The following PTPRT variants were observed in gnomAD, a reference collection of about 807,000 sequenced individuals.
PTPRT encodes the protein protein tyrosine phosphatase receptor type T, also known as receptor-type tyrosine-protein phosphatase T.
Under a neutral mutation model 176.8 loss-of-function variants are expected in PTPRT, and 56 were observed. That is an observed-to-expected ratio of 0.32 (90% CI 0.26 to 0.40). The LOEUF is 0.40. Among genes scored for constraint, PTPRT ranks in the 10% least tolerant of loss-of-function variants. The pLI, the probability that PTPRT is intolerant of heterozygous loss-of-function variation, is 1.00. For synonymous variants in PTPRT, 783 were observed against 739.0 expected, an observed-to-expected ratio of 1.06 and a Z score of -0.96; for missense variants, 1,540 against 1,908.2, an observed-to-expected ratio of 0.81 and a Z score of 3.60.
At chr20:42,649,080 A>G (rs6102970) in intron 7 of PTPRT, among the ~76,000 whole-genome samples, 11,381 of 151,880 alleles carry the variant, frequency 0.075, 556 homozygotes, top group Middle Eastern at 0.14. Context: ...CGGCCTCCCA[A>G]AGTGCTAGGA....
chr20:42,406,951 T>TACC (rs1240915179), intron 9 of PTPRT, among the ~76,000 whole-genome samples: 1 of 152,180 alleles, frequency 6.6e-6, no homozygotes, highest in African/African-American at 2.4e-5. Flanking sequence ...TGGTGACTGA[T>TACC]ACCAAAGCTT....
At chr20:42,525,869 G>C (rs997263618) in intron 7 of PTPRT, among the ~76,000 whole-genome samples, 1 of 152,162 alleles carries the variant, frequency 6.6e-6, no homozygotes, top group African/African-American at 2.4e-5. Context: ...TCCTGAAATT[G>C]TGTGTTTATA....
chr20:42,343,174 C>T (rs1222222603), intron 11 of PTPRT, among the ~76,000 whole-genome samples: 1 of 152,164 alleles, frequency 6.6e-6, no homozygotes, highest in African/African-American at 2.4e-5. Flanking sequence ...AGACCACACG[C>T]CAGGTTGCAG....
intron 2 of PTPRT, among the ~76,000 whole-genome samples, chr20:42,874,029 T>G (rs1184383366): frequency 6.6e-6 from 1 of 152,138 alleles, no homozygotes; most frequent in African/African-American, 2.4e-5. Flanking sequence ...CATTTAAAAA[T>G]GAAAGGTTCA....
intron 9 of PTPRT, among the ~76,000 whole-genome samples, chr20:42,442,319 G>A (rs940549559): frequency 1.3e-5 from 2 of 152,076 alleles, no homozygotes. Context: ...TGTTCAGATT[G>A]AATCCAACCA....
At chr20:42,316,277 T>C (rs2057720792) in intron 11 of PTPRT, among the ~76,000 whole-genome samples, 1 of 152,188 alleles carries the variant, frequency 6.6e-6, no homozygotes, top group Non-Finnish European at 1.5e-5. Flanking sequence ...CCTTTCTTAG[T>C]AAATGGTAGC....
chr20:42,283,940 C>T (rs1229143833), intron 12 of PTPRT, among the ~76,000 whole-genome samples: 3 of 152,006 alleles, frequency 2.0e-5, no homozygotes, highest in Non-Finnish European at 4.4e-5. Flanking sequence ...TCATAGTTAT[C>T]GCCAATAGTC....
intron 7 of PTPRT, among the ~76,000 whole-genome samples, chr20:42,614,555 C>A (rs1023355067): frequency 1.3e-5 from 2 of 150,960 alleles, no homozygotes; most frequent in Non-Finnish European, 2.9e-5. Flanking sequence ...CCCTTCTATT[C>A]CCCACTGCAG....
At chr20:43,110,090 A>T (rs530302497) in intron 1 of PTPRT, among the ~76,000 whole-genome samples, 14 of 152,294 alleles carry the variant, frequency 9.2e-5, no homozygotes, top group African/African-American at 2.6e-4. Context: ...GGATGCCTGG[A>T]AGGTTCAAAA....
At chr20:42,085,486 C>T (rs77278437) in intron 28 of PTPRT, among the ~76,000 whole-genome samples, 9 of 152,242 alleles carry the variant, frequency 5.9e-5, no homozygotes, top group Admixed American at 1.3e-4. Flanking sequence ...TTTGTCTACA[C>T]GGCAGCAAGT....
intron 2 of PTPRT, among the ~76,000 whole-genome samples, chr20:42,870,411 T>C (rs1443726591): frequency 6.6e-6 from 1 of 152,246 alleles, no homozygotes; most frequent in Non-Finnish European, 1.5e-5. Flanking sequence ...CATCTGTTGA[T>C]GAACATTTGG....
At chr20:42,220,437 C>G (rs765651334) in intron 15 of PTPRT, among the ~76,000 whole-genome samples, 1 of 152,050 alleles carries the variant, frequency 6.6e-6, no homozygotes. Context: ...GGAGGCAGGT[C>G]GTGATGGGTC....
chr20:42,653,871 G>A (rs1455882536), intron 7 of PTPRT, among the ~76,000 whole-genome samples: 2 of 152,040 alleles, frequency 1.3e-5, no homozygotes, highest in Non-Finnish European at 2.9e-5. Flanking sequence ...ATCTATAAAG[G>A]CATGTAGACA....
chr20:42,346,025 G>T (rs561379474), intron 11 of PTPRT, among the ~76,000 whole-genome samples: 2 of 152,252 alleles, frequency 1.3e-5, no homozygotes, highest in African/African-American at 4.8e-5. Flanking sequence ...GCAGTTCAGT[G>T]GGGGGTGGAT....
the PTPRT span, among the ~76,000 whole-genome samples, chr20:42,041,864 G>C: frequency 1.3e-5 from 2 of 152,234 alleles, no homozygotes; most frequent in South Asian, 2.1e-4. Context: ...CAACTGTTTA[G>C]GGTAGTGGCA....
chr20:43,109,775 A>G (rs931707189), intron 1 of PTPRT, among the ~76,000 whole-genome samples: 2 of 152,196 alleles, frequency 1.3e-5, no homozygotes, highest in South Asian at 2.1e-4. Context: ...GTTAAGACCC[A>G]AAGTGAGGAA....
intron 6 of PTPRT, among the ~76,000 whole-genome samples, chr20:42,735,501 T>A (rs1275337618): frequency 6.6e-6 from 1 of 152,116 alleles, no homozygotes; most frequent in African/African-American, 2.4e-5. Context: ...CCTTTCTACA[T>A]ATTTTTCTTT....
In PTPRT at chr20:42,081,901, G is replaced by A. The variant is rs770678610; in HGVS notation, c.4253C>T (p.Ser1418Phe). ...HIVKTLRNNK[S>F]NMVETLEQYK... ...ACTCACCAGGGTCTCCACCATGTTGGATTTGTTGTTACGCAGTGTTTTCAC... is the reference window on the plus strand; with the variant it reads ...ACTCACCAGGGTCTCCACCATGTTGAATTTGTTGTTACGCAGTGTTTTCAC... The change falls in exon 30 of 31, where the codon TCC becomes TTC. Residue 1418 changes from serine to phenylalanine, a missense_variant. Ser to Phe is a radical substitution (Grantham distance 155, BLOSUM62 -2). Transcript: ENST00000373187. 21 of 1,614,218 alleles carry A rather than the reference G, an allele frequency of 1.3e-5. No individual in the cohort carries two copies. The highest frequency in any genetic ancestry group is 1.8e-5 in the Non-Finnish European group (21 of 1,180,028).
At chr20:43,182,227 T>C (rs2015275609) in intron 1 of PTPRT, among the ~76,000 whole-genome samples, 2 of 151,164 alleles carry the variant, frequency 1.3e-5, no homozygotes, top group South Asian at 4.2e-4. Context: ...AAAGGGGGAG[T>C]AAAGCAAAAT....
Sources: allele counts gnomAD v4.1 joint callset (sites outside exome capture counted in the v4.1 genomes callset), GRCh38; gene constraint gnomAD v4.1.1; transcripts MANE v1.5; gene names NCBI Gene and HGNC (gene_info 2026-07-23, HGNC 2026-07-21).